The following TRIM71 variants were observed in gnomAD, a reference collection of about 807,000 sequenced individuals.
The protein encoded by TRIM71 is E3 ubiquitin-protein ligase TRIM71.
Under a neutral mutation model 61.2 loss-of-function variants are expected in TRIM71, and 9 were observed. The observed-to-expected ratio is 0.15, with a 90% CI of 0.09 to 0.26. The LOEUF (loss-of-function observed/expected upper bound fraction) is 0.26. TRIM71 is among the 10% of genes least tolerant of loss of function. The pLI is 1.00. For synonymous variants in TRIM71, 645 were observed against 553.2 expected (o/e 1.17, Z -2.33); for missense variants, 998 against 1,238.7 (o/e 0.81, Z 2.92).
At chr3:32,889,203 C>T (rs1188459291) in intron 3 of TRIM71, among the ~76,000 whole-genome samples, 1 of 152,168 alleles carries the variant, frequency 6.6e-6, no homozygotes, top group Non-Finnish European at 1.5e-5. Context: ...ACCTCCAATG[C>T]CTGGCAAAGT....
At chr3:32,858,899 C>T (rs187424114) in intron 1 of TRIM71, among the ~76,000 whole-genome samples, 2 of 152,292 alleles carry the variant, frequency 1.3e-5, no homozygotes, top group African/African-American at 2.4e-5. Flanking sequence ...GATTGTTTCA[C>T]CAGCTAAGAG....
intron 2 of TRIM71, 91 bp downstream of exon 2, chr3:32,874,076 T>C: frequency 1.4e-6 from 2 of 1,386,408 alleles, no homozygotes; most frequent in South Asian, 1.4e-5. Flanking sequence ...CAGATTCCAG[T>C]GTGGGGGGTG....
chr3:32,849,812 C>T (rs1696518209), intron 1 of TRIM71, among the ~76,000 whole-genome samples: 1 of 152,212 alleles, frequency 6.6e-6, no homozygotes, highest in African/African-American at 2.4e-5. Flanking sequence ...CTTTAAGAAT[C>T]TGACCTGTGT....
At chr3:32,838,719 G>A (rs1239491195) in intron 1 of TRIM71, among the ~76,000 whole-genome samples, 6 of 152,248 alleles carry the variant, frequency 3.9e-5, no homozygotes, top group East Asian at 1.9e-4. Flanking sequence ...TTTCAGGCCT[G>A]TTGGTCAATT....
chr3:32,877,749 C>G (rs1414757345), intron 2 of TRIM71, among the ~76,000 whole-genome samples: 1 of 152,154 alleles, frequency 6.6e-6, no homozygotes, highest in African/African-American at 2.4e-5. Flanking sequence ...AGCTCCAGTT[C>G]TAATTCTAGT....
At chr3:32,853,625 C>G (rs1439908194) in intron 1 of TRIM71, among the ~76,000 whole-genome samples, 2 of 152,102 alleles carry the variant, frequency 1.3e-5, no homozygotes, top group African/African-American at 2.4e-5. Context: ...GAAGGGACAC[C>G]CTTTTTCCTG....
intron 1 of TRIM71, among the ~76,000 whole-genome samples, chr3:32,845,599 T>C (rs1157550902): frequency 4.6e-5 from 7 of 152,304 alleles, no homozygotes; most frequent in South Asian, 2.1e-4. Context: ...TCATATGATA[T>C]TATAAGCCAG....
Position 32,865,783 on chromosome 3 carries a change from C to T in TRIM71, c.853-8035C>T, listed in dbSNP as rs1250511763. 1.1e-3 allele frequency among the ~76,000 whole-genome samples: 23 copies of T among 20,216 alleles called. 2 individuals carry two copies. The highest frequency in any genetic ancestry group is 0.011 in the South Asian group (4 of 362). 13.3% of individuals were successfully genotyped at this position (20,216 alleles called of 152,430 possible). On this transcript the variant is annotated intron_variant, in intron 1 of 3. Coordinates refer to ENST00000383763, the MANE Select transcript of TRIM71 (RefSeq NM_001039111.3). Reference sequence around the variant, plus strand: ...TCACTATCTGGACCTTTTAATTTGCCGCCCGCCGGCCCCCCCCCCCCCCCG... The same window carrying T: ...TCACTATCTGGACCTTTTAATTTGCTGCCCGCCGGCCCCCCCCCCCCCCCG...
rs548796991 is a variant in TRIM71, at chr3:32,837,731, G to A, written c.852+18799G>A. 2.4e-3 allele frequency among the ~76,000 whole-genome samples: 360 copies of A among 152,190 alleles called. 1 individual carries two copies. Among genetic ancestry groups the A allele is most frequent in the African/African-American group, 8.0e-3 (333 of 41,522 alleles). ...TGAGGCAGGAGAATGGTGTGAACCC[G>A]GGAGGCGGAGGCTTCAGTGAGCCGA... On this transcript the variant is annotated intron_variant, in intron 1 of 3. Coordinates refer to ENST00000383763, the MANE Select transcript of TRIM71 (RefSeq NM_001039111.3).
At chr3:32,838,881 A>G (rs1018839315) in intron 1 of TRIM71, among the ~76,000 whole-genome samples, 1 of 150,942 alleles carries the variant, frequency 6.6e-6, no homozygotes, top group Non-Finnish European at 1.5e-5. Context: ...GCTCACAGCA[A>G]CCTCCTCCTC....
chr3:32,863,409 T>C (rs1305649734), intron 1 of TRIM71, among the ~76,000 whole-genome samples: 1 of 152,010 alleles, frequency 6.6e-6, no homozygotes, highest in Non-Finnish European at 1.5e-5. Context: ...TTGGCCGGGC[T>C]AAGTGTACAT....
chr3:32,823,085 A>G (rs1696159989), intron 1 of TRIM71, among the ~76,000 whole-genome samples: 1 of 152,224 alleles, frequency 6.6e-6, no homozygotes, highest in Non-Finnish European at 1.5e-5. Flanking sequence ...TGGCTGGAAA[A>G]CCAAACCTAA....
intron 2 of TRIM71, among the ~76,000 whole-genome samples, chr3:32,878,128 G>T (rs967398723): frequency 2.0e-5 from 3 of 152,234 alleles, no homozygotes; most frequent in Admixed American, 6.5e-5. Flanking sequence ...AGACTTGAAA[G>T]TTGAAACTAC....
At chr3:32,883,248 T>C (rs750658022) in intron 2 of TRIM71, among the ~76,000 whole-genome samples, 2 of 152,254 alleles carry the variant, frequency 1.3e-5, no homozygotes, top group Admixed American at 1.3e-4. Context: ...ATTTTTTAAC[T>C]TTTAGGTAAT....
chr3:32,839,562 G>A (rs928070142), intron 1 of TRIM71, among the ~76,000 whole-genome samples: 3 of 149,658 alleles, frequency 2.0e-5, no homozygotes, highest in Admixed American at 6.8e-5. Context: ...CGTCTGACCC[G>A]TCAAGCCCCA....
chr3:32,851,355 A>G (rs1407964283), intron 1 of TRIM71, among the ~76,000 whole-genome samples: 1 of 152,244 alleles, frequency 6.6e-6, no homozygotes, highest in East Asian at 1.9e-4. Context: ...TGCAGAATTC[A>G]CTGATTGGTA....
intron 1 of TRIM71, among the ~76,000 whole-genome samples, chr3:32,828,214 T>C (rs1696225907): frequency 6.6e-6 from 1 of 152,142 alleles, no homozygotes; most frequent in African/African-American, 2.4e-5. Flanking sequence ...CTTAGGATTA[T>C]CAATAGATTT....
intron 3 of TRIM71, among the ~76,000 whole-genome samples, chr3:32,889,385 C>G (rs1696997314): frequency 6.6e-6 from 1 of 152,144 alleles, no homozygotes; most frequent in South Asian, 2.1e-4. Flanking sequence ...TCAAGTGATT[C>G]TTCCACCTCA....
At chr3:32,850,443 T>C (rs1277406331) in intron 1 of TRIM71, among the ~76,000 whole-genome samples, 1 of 152,184 alleles carries the variant, frequency 6.6e-6, no homozygotes, top group Non-Finnish European at 1.5e-5. Context: ...ATATTGTATG[T>C]CTTGACTGGT....
Sources: allele counts gnomAD v4.1 joint callset (sites outside exome capture counted in the v4.1 genomes callset), GRCh38; gene constraint gnomAD v4.1.1; transcripts MANE v1.5; gene names NCBI Gene and HGNC (gene_info 2026-07-23, HGNC 2026-07-21).